The following FANCC variants were observed in gnomAD, a reference collection of about 807,000 sequenced individuals.
FANCC encodes the protein FA complementation group C.
In FANCC, 55 loss-of-function variants were observed where a neutral mutation model predicts 71.3. The observed-to-expected ratio is 0.77, with a 90% CI of 0.62 to 0.97. The LOEUF (loss-of-function observed/expected upper bound fraction) is 0.97, where lower values mean the gene tolerates loss of function less well. FANCC is among the 50% of genes least tolerant of loss of function. The probability of loss-of-function intolerance (pLI) is 0.00; values close to 1 mark genes in which losing one functional copy is unlikely to be tolerated. For synonymous variants in FANCC, 275 were observed against 244.9 expected (o/e 1.12, Z -1.15); for missense variants, 678 against 670.9 (o/e 1.01, Z -0.12).
chr9:95,284,058 G>A (rs1833530231), intron 1 of FANCC, among the ~76,000 whole-genome samples: 1 of 152,208 alleles, frequency 6.6e-6, no homozygotes, highest in Non-Finnish European at 1.5e-5. Flanking sequence ...CCCATTCAAT[G>A]TCAGTTATTA....
At chr9:95,191,581 T>C (rs1440852397) in intron 4 of FANCC, among the ~76,000 whole-genome samples, 1 of 152,050 alleles carries the variant, frequency 6.6e-6, no homozygotes, top group African/African-American at 2.4e-5. Context: ...TATATGCAAC[T>C]AGCTTGCCTG....
intron 7 of FANCC, among the ~76,000 whole-genome samples, chr9:95,140,882 A>G (rs1828546650): frequency 6.6e-6 from 1 of 152,124 alleles, no homozygotes; most frequent in South Asian, 2.1e-4. Flanking sequence ...GGCAGCCACC[A>G]ACAAGCAGAA....
At chr9:95,266,132 A>G (rs1832371225) in intron 1 of FANCC, among the ~76,000 whole-genome samples, 1 of 152,208 alleles carries the variant, frequency 6.6e-6, no homozygotes, top group African/African-American at 2.4e-5. Flanking sequence ...TGGTTCTCAA[A>G]CTTAAAAACT....
chr9:95,150,809 A>C (rs935787421), intron 6 of FANCC, among the ~76,000 whole-genome samples: 1 of 152,042 alleles, frequency 6.6e-6, no homozygotes, highest in African/African-American at 2.4e-5. Context: ...GACTGCCCCA[A>C]ATAAAGTCCT....
At chr9:95,291,963 A>ATATAT (rs1256566464) in intron 1 of FANCC, among the ~76,000 whole-genome samples, 8 of 94,538 alleles carry the variant, frequency 8.5e-5, no homozygotes, top group Non-Finnish European at 1.8e-4. Context: ...AAAAAAAAAA[A>ATATAT]AAAAATATAT....
At chr9:95,193,575 A>G (rs1216023321) in intron 4 of FANCC, among the ~76,000 whole-genome samples, 1 of 152,222 alleles carries the variant, frequency 6.6e-6, no homozygotes, top group Admixed American at 6.5e-5. Flanking sequence ...CAGTAGCATG[A>G]GTTATGCTTT....
intron 13 of FANCC, 151 bp from the exon 14 acceptor site, chr9:95,107,420 G>C (rs1036123724): frequency 1.3e-6 from 1 of 786,910 alleles, no homozygotes; most frequent in African/African-American, 1.7e-5. Flanking sequence ...ATTTACACTC[G>C]ATTTCACACA....
At chr9:95,121,547 A>G (rs1234749899) in intron 10 of FANCC, among the ~76,000 whole-genome samples, 3 of 152,230 alleles carry the variant, frequency 2.0e-5, no homozygotes, top group African/African-American at 7.2e-5. Context: ...GTCCAGAGCA[A>G]CATTGTTTGT....
At chr9:95,244,563 C>T (rs545635145) in intron 3 of FANCC, among the ~76,000 whole-genome samples, 2 of 151,648 alleles carry the variant, frequency 1.3e-5, no homozygotes, top group African/African-American at 4.8e-5. Context: ...CCTATAGTCC[C>T]AGCTACTCAG....
At chr9:95,284,664 G>C (rs1374446645) in intron 1 of FANCC, among the ~76,000 whole-genome samples, 1 of 151,878 alleles carries the variant, frequency 6.6e-6, no homozygotes, top group Non-Finnish European at 1.5e-5. Context: ...TCTAATCTCA[G>C]CTCTGATCCA....
chr9:95,130,946 A>G (rs1362483455), intron 8 of FANCC, among the ~76,000 whole-genome samples: 1 of 152,144 alleles, frequency 6.6e-6, no homozygotes, highest in Non-Finnish European at 1.5e-5. Context: ...CTTCTTTTCT[A>G]TTTTCAAAAT....
chr9:95,100,182 G>C lies in FANCC; in HGVS notation c.*1525C>G, dbSNP rs986810834. Reference sequence around the variant, plus strand: ...AAGCATGTTTGTTATATGAAGGCAAGGATCATGATGGCACGAAGCATGTTA... The same window carrying C: ...AAGCATGTTTGTTATATGAAGGCAACGATCATGATGGCACGAAGCATGTTA... On this transcript the variant is annotated 3_prime_UTR_variant, in exon 15 of 15. Coordinates refer to ENST00000289081, the MANE Select transcript of FANCC (RefSeq NM_000136.3). The C allele has an allele frequency of 4.3e-6, 1 of 232,678 alleles. No individual in the cohort carries two copies. Among genetic ancestry groups the C allele is most frequent in the Admixed American group, 5.6e-5 (1 of 17,762 alleles). The allele number at this position is 232,678 out of a possible 1,614,324, so 14.4% of individuals were successfully genotyped here.
At chr9:95,261,454 T>C (rs1334862585) in intron 1 of FANCC, among the ~76,000 whole-genome samples, 1 of 152,250 alleles carries the variant, frequency 6.6e-6, no homozygotes, top group African/African-American at 2.4e-5. Context: ...AAGGTAAATG[T>C]TTTATAACAT....
At chr9:95,305,463 C>CA (rs1835022390) in intron 1 of FANCC, among the ~76,000 whole-genome samples, 2 of 152,112 alleles carry the variant, frequency 1.3e-5, no homozygotes, top group African/African-American at 2.4e-5. Context: ...GACAGGACCA[C>CA]AAAAAAATGT....
Position 95,213,432 on chromosome 9 carries a change from G to A in FANCC, c.345+27217C>T, listed in dbSNP as rs570306504. Reference sequence around the variant, plus strand: ...TAAAAAGCTACAGTAATAAAAAACAGTGTGGTCCAGGCAGAAAGACAGACA... The same window carrying A: ...TAAAAAGCTACAGTAATAAAAAACAATGTGGTCCAGGCAGAAAGACAGACA... On this transcript the variant is annotated intron_variant, in intron 4 of 14. Coordinates refer to ENST00000289081, the MANE Select transcript of FANCC (RefSeq NM_000136.3). 9.2e-5 allele frequency among the ~76,000 whole-genome samples: 14 copies of A among 152,262 alleles called. No individual in the cohort carries two copies. The South Asian group carries it at 1.4e-3, about 16-fold the overall frequency.
chr9:95,238,348 T>C (rs1384233122), intron 4 of FANCC, among the ~76,000 whole-genome samples: 1 of 152,200 alleles, frequency 6.6e-6, no homozygotes, highest in Non-Finnish European at 1.5e-5. Flanking sequence ...TGTATCGACA[T>C]TTAATCTGCC....
At position 95,292,896 on chromosome 9, in the gene FANCC, G is replaced by A. The variant is rs906490380; in HGVS notation, c.-79+24630C>T. 6.9e-6 allele frequency: 11 copies of A among 1,583,392 alleles called. No individual in the cohort carries two copies. In the African/African-American group the frequency reaches 9.4e-5, roughly 14 times the overall value. ...CCTGAAAAGACTTGCAGAGGACTGT[G>A]GCAAGACCTTCCGGTGCACATGCGG... On this transcript the variant is annotated intron_variant, in intron 1 of 14. Coordinates refer to ENST00000289081, the MANE Select transcript of FANCC (RefSeq NM_000136.3).
intron 1 of FANCC, chr9:95,294,941 C>T (rs776628270): frequency 3.0e-5 from 23 of 757,324 alleles, no homozygotes; most frequent in Non-Finnish European, 4.4e-5. Flanking sequence ...CTTTGCAGTT[C>T]TTTGCCTTTT....
chr9:95,112,128 A>G (rs987978749), intron 12 of FANCC, among the ~76,000 whole-genome samples: 3 of 152,372 alleles, frequency 2.0e-5, no homozygotes, highest in East Asian at 3.9e-4. Context: ...CATCAATGCC[A>G]GAAAGTTGAA....
Sources: allele counts gnomAD v4.1 joint callset (sites outside exome capture counted in the v4.1 genomes callset), GRCh38; gene constraint gnomAD v4.1.1; transcripts MANE v1.5; gene names NCBI Gene and HGNC (gene_info 2026-07-23, HGNC 2026-07-21).